Variants in FGF14 observed in about 807,000 individuals in gnomAD.
FGF14 encodes fibroblast growth factor 14, also known as fibroblast growth factor homologous factor 4.
In FGF14, 5 loss-of-function variants were observed where a neutral mutation model predicts 25.5. The ratio of observed to expected loss-of-function variants is 0.20; its 90% CI spans 0.10 to 0.41. The LOEUF is 0.41. FGF14 is among the 10% of genes least tolerant of loss of function. The pLI, the probability that FGF14 is intolerant of heterozygous loss-of-function variation, is 1.00. For missense variants in FGF14, 222 were observed against 320.1 expected (o/e 0.69, Z 2.34); for synonymous variants, 138 against 118.3 (o/e 1.17, Z -1.08).
chr13:101,788,338 T>C (rs890342154), intron 3 of FGF14, among the ~76,000 whole-genome samples: 3 of 152,182 alleles, frequency 2.0e-5, no homozygotes, highest in African/African-American at 7.2e-5. Context: ...GTCCAGGCTG[T>C]CTCTGTCAGA....
chr13:102,111,964 C>T (rs2045251355), intron 1 of FGF14, among the ~76,000 whole-genome samples: 1 of 152,074 alleles, frequency 6.6e-6, no homozygotes, highest in African/African-American at 2.4e-5. Context: ...GTATTTTCCC[C>T]ACTTAATTCT....
intron 1 of FGF14, among the ~76,000 whole-genome samples, chr13:102,083,698 T>C (rs921008502): frequency 2.6e-5 from 4 of 152,216 alleles, no homozygotes; most frequent in African/African-American, 9.6e-5. Context: ...TTTACCTGCA[T>C]TTGCAATCTC....
chr13:102,221,433 T>TA (rs1249052884), intron 1 of FGF14, among the ~76,000 whole-genome samples: 1 of 152,330 alleles, frequency 6.6e-6, no homozygotes, highest in South Asian at 2.1e-4. Context: ...ACCCATTTTC[T>TA]ATCTCTGCTC....
chr13:102,224,381 A>G (rs550055606), intron 1 of FGF14, among the ~76,000 whole-genome samples: 30 of 152,294 alleles, frequency 2.0e-4, no homozygotes, highest in Admixed American at 7.2e-4. Context: ...TTCCTAAGAA[A>G]GAAGATATTT....
intron 1 of FGF14, among the ~76,000 whole-genome samples, chr13:101,878,887 A>G (rs1347137795): frequency 6.6e-6 from 1 of 152,072 alleles, no homozygotes; most frequent in Admixed American, 6.5e-5. Context: ...ATTTTTTTCA[A>G]TAAACTGATA....
chr13:102,326,012 T>C (rs936783054), intron 1 of FGF14, among the ~76,000 whole-genome samples: 6 of 152,220 alleles, frequency 3.9e-5, no homozygotes, highest in African/African-American at 1.4e-4. Flanking sequence ...GCACTTCTGA[T>C]TGGGCATCTT....
chr13:101,850,006 GA>G (rs1203035189), intron 3 of FGF14, among the ~76,000 whole-genome samples: 1 of 151,426 alleles, frequency 6.6e-6, no homozygotes, highest in Non-Finnish European at 1.5e-5. Flanking sequence ...CCTTAATAAA[GA>G]AAAAAAGTAT....
chr13:102,199,769 C>T (rs2049530034), intron 1 of FGF14, among the ~76,000 whole-genome samples: 1 of 152,162 alleles, frequency 6.6e-6, no homozygotes, highest in African/African-American at 2.4e-5. Flanking sequence ...TCCAAACTCA[C>T]ACATCCTTCG....
intron 1 of FGF14, among the ~76,000 whole-genome samples, chr13:102,112,827 A>T (rs1490258909): frequency 6.6e-6 from 1 of 152,222 alleles, no homozygotes; most frequent in East Asian, 1.9e-4. Context: ...TTCCTTACAG[A>T]TGAGAATATA....
At chr13:102,230,013 T>A (rs2051005252) in intron 1 of FGF14, among the ~76,000 whole-genome samples, 1 of 152,172 alleles carries the variant, frequency 6.6e-6, no homozygotes, top group Non-Finnish European at 1.5e-5. Context: ...CTCCAAAATT[T>A]ACGTATTGCA....
chr13:102,137,397 C>A (rs551821), intron 1 of FGF14, among the ~76,000 whole-genome samples: 7,995 of 152,234 alleles, frequency 0.053, 744 homozygotes, highest in African/African-American at 0.18. Flanking sequence ...CGAAACTACA[C>A]ATAGTTGTCC....
chr13:101,904,592 C>T (rs976769940), intron 1 of FGF14, among the ~76,000 whole-genome samples: 2 of 152,116 alleles, frequency 1.3e-5, no homozygotes, highest in African/African-American at 4.8e-5. Context: ...CTGGAGAATT[C>T]ATTATAACTA....
chr13:102,015,408 T>C (rs1018116170), intron 1 of FGF14, among the ~76,000 whole-genome samples: 1 of 152,178 alleles, frequency 6.6e-6, no homozygotes, highest in African/African-American at 2.4e-5. Context: ...AAAAGATCCA[T>C]AGTAGAAGAA....
chr13:102,010,482 A>AC (rs1421668190), intron 1 of FGF14, among the ~76,000 whole-genome samples: 4 of 152,162 alleles, frequency 2.6e-5, no homozygotes, highest in African/African-American at 9.7e-5. Flanking sequence ...CTATGATGTA[A>AC]CCACTGAGAA....
At chr13:101,726,437 G>A (rs2035441736) in intron 4 of FGF14, among the ~76,000 whole-genome samples, 175 bp downstream of exon 4, 1 of 151,910 alleles carries the variant, frequency 6.6e-6, no homozygotes, top group African/African-American at 2.4e-5. Context: ...TGTATAAGGG[G>A]CACAAATTCT....
At chr13:101,978,541 G>A (rs1463842499) in intron 1 of FGF14, among the ~76,000 whole-genome samples, 1 of 152,170 alleles carries the variant, frequency 6.6e-6, no homozygotes, top group East Asian at 1.9e-4. Flanking sequence ...GTTTGTTGTG[G>A]TGAAAACAAA....
At chr13:102,286,003 A>G (rs2054077557) in intron 1 of FGF14, among the ~76,000 whole-genome samples, 1 of 152,052 alleles carries the variant, frequency 6.6e-6, no homozygotes, top group Non-Finnish European at 1.5e-5. Context: ...AGGAAGGAAA[A>G]CTCACTGGAA....
At chr13:101,911,701 A>G (rs2032953157) in intron 1 of FGF14, among the ~76,000 whole-genome samples, 1 of 152,152 alleles carries the variant, frequency 6.6e-6, no homozygotes, top group Non-Finnish European at 1.5e-5. Flanking sequence ...AAAACAAAAC[A>G]AAACAAAACT....
At chr13:101,750,139 T>C (rs1038619599) in intron 3 of FGF14, among the ~76,000 whole-genome samples, 1 of 152,134 alleles carries the variant, frequency 6.6e-6, no homozygotes, top group African/African-American at 2.4e-5. Context: ...GTGAGACATA[T>C]ATTTCTGTTG....
Sources: allele counts gnomAD v4.1 joint callset (sites outside exome capture counted in the v4.1 genomes callset), GRCh38; gene constraint gnomAD v4.1.1; transcripts MANE v1.5; gene names NCBI Gene and HGNC (gene_info 2026-07-23, HGNC 2026-07-21).